The following SPATA31H1 variants were observed in gnomAD, a reference collection of about 807,000 sequenced individuals.
SPATA31H1 encodes SPATA31 subfamily H member 1.
the SPATA31H1 span, chr2:27,566,830 G>T: frequency 1.4e-6 from 1 of 717,768 alleles, no homozygotes; most frequent in South Asian, 1.5e-5. Flanking sequence ...GTTCTATGCT[G>T]TTGTGACTAT....
chr2:27,574,086 G>A, the SPATA31H1 span: 3 of 398,372 alleles, frequency 7.5e-6, no homozygotes, highest in African/African-American at 4.1e-5. Context: ...CAAGATTCAA[G>A]GTGTCAAATC....
the SPATA31H1 span, among the ~76,000 whole-genome samples, chr2:27,556,447 TG>T: frequency 6.6e-6 from 1 of 151,662 alleles, no homozygotes; most frequent in Non-Finnish European, 1.5e-5. Context: ...CCTTTCCTTC[TG>T]GGACTCCTAT....
chr2:27,567,464 C>T, the SPATA31H1 span: 2 of 426,386 alleles, frequency 4.7e-6, no homozygotes, highest in South Asian at 9.0e-5. Flanking sequence ...ATATCAACAA[C>T]AAATCCTCAG....
At chr2:27,578,305 A>G in the SPATA31H1 span, 7 of 1,614,180 alleles carry the variant, frequency 4.3e-6, no homozygotes, top group Non-Finnish European at 5.9e-6. Flanking sequence ...CAGATTTTGG[A>G]AACAGTGGAG....
At chr2:27,538,846 A>G in the SPATA31H1 span, among the ~76,000 whole-genome samples, 3 of 151,850 alleles carry the variant, frequency 2.0e-5, no homozygotes, top group Non-Finnish European at 4.4e-5. Flanking sequence ...AAAAAAGGAA[A>G]AGAGAACATA....
At chr2:27,566,621 CT>C in the SPATA31H1 span, 19,016 of 408,260 alleles carry the variant, frequency 0.047, 3 homozygotes, top group South Asian at 0.073. Context: ...GGGAAAGAAA[CT>C]TTTTTTTTTT....
the SPATA31H1 span, chr2:27,566,345 G>A: frequency 1.3e-5 from 9 of 717,358 alleles, no homozygotes; most frequent in East Asian, 5.4e-5. Context: ...TCAATGGAGC[G>A]GAGCCTTCAA....
the SPATA31H1 span, chr2:27,580,490 C>G: frequency 1.9e-6 from 3 of 1,614,004 alleles, no homozygotes; most frequent in Non-Finnish European, 2.5e-6. Context: ...TCTACACAAA[C>G]AGTAGAACCA....
chr2:27,546,624 T>C, the SPATA31H1 span, among the ~76,000 whole-genome samples: 1 of 151,938 alleles, frequency 6.6e-6, no homozygotes, highest in African/African-American at 2.4e-5. Flanking sequence ...CCTCAACCTC[T>C]TGGGCTCAAG....
the SPATA31H1 span, chr2:27,581,621 G>A: frequency 6.2e-6 from 10 of 1,602,862 alleles, no homozygotes; most frequent in African/African-American, 2.7e-5. Flanking sequence ...GTCCCTCAGA[G>A]AGAAGCCATT....
the SPATA31H1 span, chr2:27,571,497 G>A: frequency 2.5e-6 from 1 of 398,446 alleles, no homozygotes; most frequent in Admixed American, 4.4e-5. Context: ...AAGAATTCAA[G>A]ATTTAAAAAC....
chr2:27,541,305 G>C, the SPATA31H1 span, among the ~76,000 whole-genome samples: 1 of 151,554 alleles, frequency 6.6e-6, no homozygotes, highest in African/African-American at 2.4e-5. Flanking sequence ...TGATGCAGGA[G>C]AATCAGGCAG....
the SPATA31H1 span, among the ~76,000 whole-genome samples, chr2:27,541,125 G>A: frequency 1.5e-3 from 220 of 148,684 alleles, 6 homozygotes; most frequent in African/African-American, 5.1e-3. Flanking sequence ...AGGAGACTCC[G>A]TCTGCAATCC....
At chr2:27,566,301 C>A in the SPATA31H1 span, 1 of 717,390 alleles carries the variant, frequency 1.4e-6, no homozygotes, top group South Asian at 1.5e-5. Flanking sequence ...TTTCAGAACT[C>A]CCTGTGGGCT....
chr2:27,578,468 G>A, the SPATA31H1 span: 1 of 1,613,992 alleles, frequency 6.2e-7, no homozygotes, highest in African/African-American at 1.3e-5. Context: ...TAAATTGTGT[G>A]GATTTACTTC....
At chr2:27,575,217 A>G in the SPATA31H1 span, 2 of 398,568 alleles carry the variant, frequency 5.0e-6, no homozygotes, top group South Asian at 2.5e-4. The surrounding 1 kb of genome is among the most constrained non-coding windows in gnomAD (Gnocchi z 4.1). Context: ...AAAACTCTCT[A>G]AGTTGGCCTT....
At chr2:27,572,581 G>T in the SPATA31H1 span, 1 of 398,152 alleles carries the variant, frequency 2.5e-6, no homozygotes, top group East Asian at 3.6e-5. Context: ...CTGCAAAAAG[G>T]GAAAATGCTA....
At chr2:27,580,557 G>A in the SPATA31H1 span, 2 of 1,614,218 alleles carry the variant, frequency 1.2e-6, no homozygotes, top group African/African-American at 1.3e-5. Context: ...GAGGATTGGA[G>A]CAACTCAGAC....
the SPATA31H1 span, among the ~76,000 whole-genome samples, chr2:27,545,207 G>T: frequency 6.6e-6 from 1 of 151,766 alleles, no homozygotes; most frequent in South Asian, 2.1e-4. Flanking sequence ...AGTTTTAGGA[G>T]AGATGGAGTT....
Sources: allele counts gnomAD v4.1 joint callset (sites outside exome capture counted in the v4.1 genomes callset), GRCh38; gene constraint gnomAD v4.1.1; non-coding constraint Gnocchi (gnomAD v3.1); transcripts MANE v1.5; gene names NCBI Gene and HGNC (gene_info 2026-07-23, HGNC 2026-07-21).